Variants in COMMD1 observed in about 807,000 individuals in gnomAD.
COMMD1 encodes the protein copper metabolism domain containing 1.
A neutral mutation model predicts 17.2 loss-of-function variants in COMMD1; 10 were observed. That is an observed-to-expected ratio of 0.58 (90% CI 0.36 to 0.99). COMMD1 has a LOEUF of 0.99. Among genes scored for constraint, COMMD1 ranks in the 50% least tolerant of loss-of-function variants. COMMD1 has a pLI of 0.01. For synonymous variants in COMMD1, 97 were observed against 91.6 expected, an observed-to-expected ratio of 1.06 and a Z score of -0.34; for missense variants, 270 against 231.8, an observed-to-expected ratio of 1.17 and a Z score of -1.07.
chr2:61,979,597 C>T (rs13387001), intron 1 of COMMD1, among the ~76,000 whole-genome samples: 39 of 152,250 alleles, frequency 2.6e-4, no homozygotes, highest in African/African-American at 8.7e-4. Context: ...TGAGCCACCG[C>T]GCCCGGCCTA....
At chr2:62,117,520 A>G (rs1471073320) in intron 2 of COMMD1, among the ~76,000 whole-genome samples, 2 of 152,232 alleles carry the variant, frequency 1.3e-5, no homozygotes, top group African/African-American at 4.8e-5. Flanking sequence ...GTTTAAAACC[A>G]GCTCTGCTAC....
intron 2 of COMMD1, among the ~76,000 whole-genome samples, chr2:62,049,136 G>GTTGTTTCACCTCGGGGCATGCTACTGA (rs1670467640): frequency 1.3e-5 from 2 of 151,306 alleles, no homozygotes; most frequent in African/African-American, 4.9e-5. Context: ...TAAGGATATG[G>GTTGTTTCACCTCGGGGCATGCTACTGA]TATCTACATA....
intron 2 of COMMD1, among the ~76,000 whole-genome samples, chr2:62,041,952 T>G (rs1670221012): frequency 6.6e-6 from 1 of 152,230 alleles, no homozygotes; most frequent in South Asian, 2.1e-4. Context: ...TTCCACACTG[T>G]GGAAGAGGAC....
chr2:62,108,633 G>T (rs1237263795), intron 2 of COMMD1, among the ~76,000 whole-genome samples: 2 of 152,016 alleles, frequency 1.3e-5, no homozygotes, highest in African/African-American at 4.8e-5. Flanking sequence ...GAGTCATTTT[G>T]CCCTTCCTGT....
At chr2:62,082,172 A>G (rs1282307372) in intron 2 of COMMD1, among the ~76,000 whole-genome samples, 1 of 152,206 alleles carries the variant, frequency 6.6e-6, no homozygotes. Flanking sequence ...AAGCTTGTAT[A>G]CATTTCTGAT....
intron 1 of COMMD1, among the ~76,000 whole-genome samples, chr2:61,968,450 T>A (rs1427032920): frequency 6.6e-6 from 1 of 152,160 alleles, no homozygotes; most frequent in Non-Finnish European, 1.5e-5. Context: ...TAATTAATTG[T>A]ACAGTAAATC....
At chr2:62,069,746 C>G (rs765479398) in intron 2 of COMMD1, 2 of 152,122 alleles carry the variant, frequency 1.3e-5, no homozygotes, top group Non-Finnish European at 2.9e-5. Flanking sequence ...TCCAAGTTGA[C>G]TTTTGTCTTC....
intron 1 of COMMD1, among the ~76,000 whole-genome samples, chr2:61,963,816 G>A (rs1249558239): frequency 1.3e-5 from 2 of 152,164 alleles, no homozygotes; most frequent in African/African-American, 4.8e-5. Flanking sequence ...AGAGGCCTGG[G>A]CACCGTGCCG....
intron 1 of COMMD1, among the ~76,000 whole-genome samples, chr2:61,975,118 CTTTTTTTTT>C: frequency 1.0e-4 from 8 of 80,168 alleles, no homozygotes; most frequent in East Asian, 3.7e-4. Flanking sequence ...TCATTTCTTT[CTTTTTTTTT>C]TTTTTTTTTT....
chr2:62,047,492 G>C (rs1014920562), intron 2 of COMMD1, among the ~76,000 whole-genome samples: 1 of 151,076 alleles, frequency 6.6e-6, no homozygotes, highest in East Asian at 1.9e-4. Flanking sequence ...TTGAGACGGA[G>C]TCTTTAGGCT....
chr2:61,952,559 A>G (rs188004299), intron 1 of COMMD1, among the ~76,000 whole-genome samples: 2 of 151,992 alleles, frequency 1.3e-5, no homozygotes, highest in Non-Finnish European at 2.9e-5. Flanking sequence ...AATGTTTTCC[A>G]TACATATATG....
chr2:61,977,491 G>A lies in COMMD1; in HGVS notation c.181-23210G>A, dbSNP rs1414474554. The stretch of plus-strand genomic sequence containing the variant: ...ACTCCCAACCTCAGGTGATGTGCCC[G>A]CCTCGGCCTCCCAAAGTGCTGGGAT... On this transcript the variant is annotated intron_variant, in intron 1 of 2. Coordinates refer to ENST00000311832, the MANE Select transcript of COMMD1 (RefSeq NM_152516.4). Among the ~76,000 whole-genome samples the A allele has an allele frequency of 2.0e-5, 3 of 148,634 alleles. No homozygotes were observed. The South Asian group carries it at 6.5e-4, about 32-fold the overall frequency.
intron 2 of COMMD1, among the ~76,000 whole-genome samples, chr2:62,080,755 A>C (rs1671491288): frequency 6.6e-6 from 1 of 150,828 alleles, no homozygotes; most frequent in African/African-American, 2.4e-5. Context: ...AAACATAATC[A>C]TACTTATGGA....
At chr2:61,978,217 G>C (rs1226359505) in intron 1 of COMMD1, among the ~76,000 whole-genome samples, 2 of 152,118 alleles carry the variant, frequency 1.3e-5, no homozygotes, top group Admixed American at 1.3e-4. Flanking sequence ...ACCAAGCCTT[G>C]TTTTGAAATA....
At chr2:62,104,868 G>A (rs1377061639) in intron 2 of COMMD1, among the ~76,000 whole-genome samples, 2 of 152,002 alleles carry the variant, frequency 1.3e-5, no homozygotes, top group Middle Eastern at 3.2e-3. Flanking sequence ...GCTCATGCCT[G>A]TAGTCCCAGC....
At chr2:62,097,504 G>A (rs777397039) in intron 2 of COMMD1, among the ~76,000 whole-genome samples, 16 of 152,142 alleles carry the variant, frequency 1.1e-4, no homozygotes, top group Non-Finnish European at 2.1e-4. Flanking sequence ...CAAGCATAAT[G>A]TACATGTGGG....
chr2:61,930,561 G>T (rs960905673), intron 1 of COMMD1, among the ~76,000 whole-genome samples: 5 of 151,186 alleles, frequency 3.3e-5, no homozygotes, highest in Non-Finnish European at 7.4e-5. Flanking sequence ...GTCTCGGAAA[G>T]AAAATAATAA....
upstream of COMMD1, among the ~76,000 whole-genome samples, chr2:61,905,183 T>C (rs1156358679): frequency 6.6e-6 from 1 of 152,068 alleles, no homozygotes; most frequent in African/African-American, 2.4e-5. Context: ...CAAGTGTATA[T>C]AAAAAGGCAA....
intron 2 of COMMD1, among the ~76,000 whole-genome samples, chr2:62,049,283 T>G (rs1314433588): frequency 1.3e-5 from 2 of 151,990 alleles, no homozygotes; most frequent in African/African-American, 4.8e-5. Context: ...TTTTAAAAAC[T>G]CAGCTATGCT....
Sources: gnomAD v4.1 joint callset for allele counts (sites outside exome capture counted in the v4.1 genomes callset) on GRCh38, gnomAD v4.1.1 for gene constraint, MANE v1.5 for transcripts, NCBI Gene and HGNC (gene_info 2026-07-23, HGNC 2026-07-21) for gene names.